The following TRIM62 variants were observed in gnomAD, a reference collection of about 807,000 sequenced individuals.
TRIM62 encodes E3 ubiquitin-protein ligase TRIM62.
Under a neutral mutation model 44.2 loss-of-function variants are expected in TRIM62, and 39 were observed. The ratio of observed to expected loss-of-function variants is 0.88; its 90% CI spans 0.68 to 1.15. The LOEUF (loss-of-function observed/expected upper bound fraction) is 1.15, where lower values mean the gene tolerates loss of function less well. Ranked by LOEUF, TRIM62 falls within the 50% of genes most tolerant of loss-of-function variation. TRIM62 has a pLI of 0.00. For missense variants in TRIM62, 544 were observed against 665.5 expected (o/e 0.82, Z 2.01); for synonymous variants, 278 against 292.3 (o/e 0.95, Z 0.50).
intron 2 of TRIM62, 80 bp from the exon 3 acceptor site, chr1:33,160,024 C>T: frequency 1.3e-6 from 2 of 1,548,984 alleles, no homozygotes; most frequent in Non-Finnish European, 1.7e-6. Flanking sequence ...AATCGAGAGC[C>T]TTGACACACA....
In TRIM62 at chr1:33,147,291, G is replaced by A. The variant is rs780069356; in HGVS notation, c.1314C>T (p.Leu438=). 1.9e-6 allele frequency: 3 copies of A among 1,614,068 alleles called. No homozygotes were observed. Among genetic ancestry groups the A allele is most frequent in the African/African-American group, 2.7e-5 (2 of 74,946 alleles). The change falls in exon 5 of 5, where the codon CTC becomes CTT. Residue 438 remains leucine, a synonymous_variant. Transcript: ENST00000291416. The surrounding 1 kb of genome is among the most constrained non-coding windows in gnomAD (Gnocchi z 8.1). ...IFYNADDMSW[L]YTFREKFPGK... Reference sequence around the variant, plus strand: ...CAGGGAACTTCTCGCGGAAGGTGTAGAGCCAGGACATGTCATCAGCATTGT... The same window carrying A: ...CAGGGAACTTCTCGCGGAAGGTGTAAAGCCAGGACATGTCATCAGCATTGT...
At chr1:33,149,199 C>A (rs641657) in intron 4 of TRIM62, among the ~76,000 whole-genome samples, 111,385 of 152,078 alleles carry the variant, frequency 0.73, 40,825 homozygotes, top group Admixed American at 0.76. Flanking sequence ...ATCCCCCAGG[C>A]GGGAATGCAG....
chr1:33,154,608 G>C (rs1258150240), intron 4 of TRIM62, among the ~76,000 whole-genome samples: 2 of 151,760 alleles, frequency 1.3e-5, no homozygotes, highest in Non-Finnish European at 2.9e-5. Flanking sequence ...GACCACCCTG[G>C]CCAACATGGT....
chr1:33,181,462 G>T lies in TRIM62; in HGVS notation c.-30C>A. On this transcript the variant is annotated 5_prime_UTR_variant, in exon 1 of 5. Coordinates refer to ENST00000291416, the MANE Select transcript of TRIM62 (RefSeq NM_018207.3). The surrounding 1 kb of genome is among the most constrained non-coding windows in gnomAD (Gnocchi z 6.5). ...CCAGGGGCAGCAGAGAGGGGGGCCC[G>T]AGGGGCAGGGGGGCGGCTGAGAGAG... 1.9e-6 allele frequency: 3 copies of T among 1,560,662 alleles called. No homozygotes were observed. Among genetic ancestry groups the T allele is most frequent in the Non-Finnish European group, 2.6e-6 (3 of 1,161,994 alleles).
rs1645014685 is a variant in TRIM62 at position 33,145,788 on chromosome 1, G to C, written c.*1389C>G. 3 of 460,286 alleles carry C rather than the reference G, an allele frequency of 6.5e-6. No individual in the cohort carries two copies. Among genetic ancestry groups the C allele is most frequent in the African/African-American group, 6.0e-5 (3 of 49,872 alleles). The allele number at this position is 460,286 out of a possible 1,614,324, so 28.5% of individuals were successfully genotyped here. A position where few individuals can be genotyped will look rare whatever the true frequency, so the allele number is the denominator to read the frequency against. On this transcript the variant is annotated 3_prime_UTR_variant, in exon 5 of 5. Coordinates refer to ENST00000291416, the MANE Select transcript of TRIM62 (RefSeq NM_018207.3). Reference sequence around the variant, plus strand: ...CTAGATGTGGACTCCACCCTCTCCCGAGTTCTTCACGATTGGATGCTGTGG... The same window carrying C: ...CTAGATGTGGACTCCACCCTCTCCCCAGTTCTTCACGATTGGATGCTGTGG...
rs770183780 is a variant in TRIM62, at chr1:33,181,175, C to A, written c.258G>T (p.Ala86=). 2 of 1,596,280 alleles carry A rather than the reference C, an allele frequency of 1.3e-6. No individual in the cohort carries two copies. The highest frequency in any genetic ancestry group is 1.1e-5 in the South Asian group (1 of 89,908). Reference sequence around the variant, plus strand: ...CCTGGCAGGGTCGCGCGGCGCGGCGCGCGTTGAGGATGGCGTCCAGCGGGA... The same window carrying A: ...CCTGGCAGGGTCGCGCGGCGCGGCGAGCGTTGAGGATGGCGTCCAGCGGGA... ...SSFPLDAILN[A]RRAARPCQAH... is the part of the protein sequence containing the mutation. The change falls in exon 1 of 5, where the codon GCG becomes GCT. Residue 86 remains alanine (A), a synonymous_variant. Transcript: ENST00000291416. The surrounding 1 kb of genome is among the most constrained non-coding windows in gnomAD (Gnocchi z 6.5).
chr1:33,158,836 T>TC (rs1176162962), intron 3 of TRIM62, among the ~76,000 whole-genome samples: 1 of 151,094 alleles, frequency 6.6e-6, no homozygotes, highest in East Asian at 1.9e-4. Flanking sequence ...TCAGTTTTTT[T>TC]CTTTTTTTTC....
chr1:33,161,470 C>T lies in TRIM62; in HGVS notation c.505-1526G>A, dbSNP rs1386703762. Among the ~76,000 whole-genome samples, 1 of 152,082 alleles carries T rather than the reference C, an allele frequency of 6.6e-6. No homozygotes were observed. Among genetic ancestry groups the T allele is most frequent in the Non-Finnish European group, 1.5e-5 (1 of 68,010 alleles). On this transcript the variant is annotated intron_variant, in intron 2 of 4. Transcript: ENST00000291416. The surrounding 1 kb of genome is among the most constrained non-coding windows in gnomAD (Gnocchi z 4.3). ...AGTGCCCAGGGCTCTGTGGGAGGCT[C>T]TACAAAGGCTCAATTAGGGCCTGTT...
chr1:33,175,050 T>TATGTATATGTATATGTATATGTATATGTA (rs1557762590), intron 1 of TRIM62, among the ~76,000 whole-genome samples: 1 of 151,304 alleles, frequency 6.6e-6, no homozygotes, highest in African/African-American at 2.4e-5. Flanking sequence ...TGTATATGTA[T>TATGTATATGTATATGTATATGTATATGTA]TTTTTTTAAG....
rs1645466344 is a variant in TRIM62, at chr1:33,181,750, G to A, written c.-318C>T. On this transcript the variant is annotated 5_prime_UTR_variant, in exon 1 of 5. Transcript: ENST00000291416. This position sits in a 1 kb window ranked among gnomAD's most constrained non-coding sequence, Gnocchi z 6.5. ...TGACGGGGAGGTTCTAGGGGGCGGGGCAGTCCTAAGGGATAGGAGCTGGGA... is the reference window on the plus strand; with the variant it reads ...TGACGGGGAGGTTCTAGGGGGCGGGACAGTCCTAAGGGATAGGAGCTGGGA... 1 of 371,042 alleles carries A rather than the reference G, an allele frequency of 2.7e-6. No individual in the cohort carries two copies. 23.0% of individuals were successfully genotyped at this position (371,042 alleles called of 1,614,324 possible).
Position 33,165,217 on chromosome 1 carries a change from A to G in TRIM62, c.504+254T>C, listed in dbSNP as rs1645315817. On this transcript the variant is annotated intron_variant, in intron 2 of 4. Transcript: ENST00000291416. This position sits in a 1 kb window ranked among gnomAD's most constrained non-coding sequence, Gnocchi z 4.0. ...TTCCACCCAAAGTGGGAAGGGAGAA[A>G]TGGCCCCGTCCTTAACCGAGGGACC... 2 of 368,554 alleles carry G rather than the reference A, an allele frequency of 5.4e-6. No individual in the cohort carries two copies. The highest frequency in any genetic ancestry group is 4.6e-5 in the Admixed American group (1 of 21,516). 22.8% of individuals were successfully genotyped at this position (368,554 alleles called of 1,614,324 possible).
intron 1 of TRIM62, among the ~76,000 whole-genome samples, chr1:33,179,028 T>C (rs1323619732): frequency 1.3e-5 from 2 of 152,226 alleles, no homozygotes; most frequent in African/African-American, 4.8e-5. Flanking sequence ...GCCCTGGCTC[T>C]CTCACTGTCT....
At chr1:33,180,866 C>A (rs1314894500) in intron 1 of TRIM62, among the ~76,000 whole-genome samples, 159 bp downstream of exon 1, 3 of 149,180 alleles carry the variant, frequency 2.0e-5, no homozygotes, top group African/African-American at 4.9e-5. Flanking sequence ...CCCCTCCCTG[C>A]CCCGCGTTAC....
intron 4 of TRIM62, among the ~76,000 whole-genome samples, chr1:33,152,918 T>G (rs1645121857): frequency 6.6e-6 from 1 of 151,786 alleles, no homozygotes; most frequent in Non-Finnish European, 1.5e-5. Flanking sequence ...CTTGGGACAA[T>G]GGGCTGCCTG....
At chr1:33,148,986 A>G (rs1295683872) in intron 4 of TRIM62, among the ~76,000 whole-genome samples, 1 of 151,836 alleles carries the variant, frequency 6.6e-6, no homozygotes, top group African/African-American at 2.4e-5. Flanking sequence ...CCCCTACCCC[A>G]CTTAGGTCCA....
At position 33,158,375 on chromosome 1, in the gene TRIM62, G is replaced by A. The variant is rs763247087; in HGVS notation, c.762-7C>T. On this transcript the variant is annotated splice_polypyrimidine_tract_variant and splice_region_variant and intron_variant, in intron 3 of 4. Transcript: ENST00000291416. ...ATGGATTTTTCCCTTGAGCCTGGAAGGAGAGCAGGAAAGGGGGCTGCACCA... is the reference window on the plus strand; with the variant it reads ...ATGGATTTTTCCCTTGAGCCTGGAAAGAGAGCAGGAAAGGGGGCTGCACCA... The A allele has an allele frequency of 6.2e-7, 1 of 1,612,436 alleles. No homozygotes were observed. Among genetic ancestry groups the A allele is most frequent in the Non-Finnish European group, 8.5e-7 (1 of 1,178,724 alleles).
rs568633767 is a variant in TRIM62, at chr1:33,158,275, G to A, written c.855C>T (p.Ser285=). ...TACCTGGGTGGATGTCCTGGAACAG[G>A]GACTTCCAGATGGTGTACTGCAGGG... is the stretch of plus-strand genomic sequence containing the variant. ...TGPLQYTIWK[S]LFQDIHPVPA... Residue 285 remains serine, a synonymous_variant, in exon 4 of 5, where the codon TCC becomes TCT. Transcript: ENST00000291416. 1.2e-6 allele frequency: 2 copies of A among 1,613,976 alleles called. No individual in the cohort carries two copies. The highest frequency in any genetic ancestry group is 1.7e-5 in the Admixed American group (1 of 60,020).
At chr1:33,154,352 G>A (rs1645143784) in intron 4 of TRIM62, among the ~76,000 whole-genome samples, 1 of 152,208 alleles carries the variant, frequency 6.6e-6, no homozygotes, top group Non-Finnish European at 1.5e-5. Context: ...CCTGCTCCAT[G>A]TCTGTCACAG....
chr1:33,152,347 C>T (rs953603597), intron 4 of TRIM62, among the ~76,000 whole-genome samples: 8 of 152,200 alleles, frequency 5.3e-5, no homozygotes, highest in Non-Finnish European at 1.2e-4. Flanking sequence ...AGGCGGATCA[C>T]CTGAGGTCCG....
Sources: allele counts gnomAD v4.1 joint callset (sites outside exome capture counted in the v4.1 genomes callset), GRCh38; gene constraint gnomAD v4.1.1; non-coding constraint Gnocchi (gnomAD v3.1); transcripts MANE v1.5; gene names NCBI Gene and HGNC (gene_info 2026-07-23, HGNC 2026-07-21).